Variants in ADK observed in about 807,000 individuals in gnomAD.
The protein encoded by ADK is adenosine kinase.
In ADK, 24 loss-of-function variants were observed where a neutral mutation model predicts 44.7. That is an observed-to-expected ratio of 0.54 (90% CI 0.39 to 0.76). ADK has a LOEUF of 0.76. Ranked by LOEUF, ADK falls within the 30% of genes least tolerant of loss-of-function variation. The pLI is 0.00. For missense variants in ADK, 321 were observed against 425.1 expected, an observed-to-expected ratio of 0.76 and a Z score of 2.15; for synonymous variants, 128 against 142.6, an observed-to-expected ratio of 0.90 and a Z score of 0.73.
At chr10:74,399,076 G>A (rs1393889685) in intron 6 of ADK, among the ~76,000 whole-genome samples, 1 of 151,674 alleles carries the variant, frequency 6.6e-6, no homozygotes, top group South Asian at 2.1e-4. Flanking sequence ...TCTTAAATCT[G>A]GGAACAAGGG....
intron 4 of ADK, chr10:74,371,954 T>C: frequency 9.9e-7 from 1 of 1,013,272 alleles, no homozygotes; most frequent in Admixed American, 1.7e-5. Flanking sequence ...CATCTTACGT[T>C]AACCTATCTA....
chr10:74,457,950 G>GTT (rs1846015919), intron 6 of ADK, among the ~76,000 whole-genome samples: 1 of 151,850 alleles, frequency 6.6e-6, no homozygotes, highest in African/African-American at 2.4e-5. Context: ...AAACCACCAT[G>GTT]GCATGTGTAT....
chr10:74,528,198 C>T (rs943108330), intron 7 of ADK: 3 of 590,514 alleles, frequency 5.1e-6, no homozygotes, highest in Non-Finnish European at 5.5e-6. Context: ...TCTTTGTGTA[C>T]ATATCTGCAA....
intron 5 of ADK, among the ~76,000 whole-genome samples, chr10:74,396,699 A>G (rs1463836968): frequency 1.3e-5 from 2 of 151,822 alleles, no homozygotes; most frequent in Admixed American, 1.3e-4. Flanking sequence ...CATGCCTGTA[A>G]TCCCAGCACT....
intron 2 of ADK, among the ~76,000 whole-genome samples, chr10:74,219,765 G>A (rs1032108352): frequency 2.8e-4 from 42 of 150,994 alleles, no homozygotes; most frequent in African/African-American, 1.0e-3. Context: ...GCTCCTGAAT[G>A]ACTACTGGGT....
intron 3 of ADK, among the ~76,000 whole-genome samples, chr10:74,290,819 A>G (rs1847388727): frequency 6.6e-6 from 1 of 152,240 alleles, no homozygotes; most frequent in Admixed American, 6.5e-5. Flanking sequence ...GATGGCTCTT[A>G]TAGAATAAAG....
intron 7 of ADK, among the ~76,000 whole-genome samples, chr10:74,567,557 G>A (rs1026790213): frequency 6.6e-6 from 1 of 151,958 alleles, no homozygotes. Context: ...CAGGACACAC[G>A]TCTCATTTTT....
chr10:74,279,414 C>T (rs1317403378), intron 3 of ADK, among the ~76,000 whole-genome samples: 7 of 151,916 alleles, frequency 4.6e-5, no homozygotes, highest in African/African-American at 7.3e-5. Context: ...AGTGAAACCC[C>T]GTCTCTACTA....
At chr10:74,519,042 A>C (rs1248083699) in intron 6 of ADK, among the ~76,000 whole-genome samples, 1 of 151,966 alleles carries the variant, frequency 6.6e-6, no homozygotes, top group African/African-American at 2.4e-5. Context: ...CATATGAAAA[A>C]TGTAAAAAGA....
At position 74,641,405 on chromosome 10, in the gene ADK, G is replaced by A. The variant is rs112327315; in HGVS notation, c.878-28778G>A. 1.5e-4 allele frequency: 23 copies of A among 151,972 alleles called. 1 individual carries two copies. Among genetic ancestry groups the A allele is most frequent in the African/African-American group, 7.2e-5 (3 of 41,380 alleles). 9.4% of individuals were successfully genotyped at this position (151,972 alleles called of 1,614,324 possible). On this transcript the variant is annotated intron_variant, in intron 9 of 10. Coordinates refer to ENST00000539909, the MANE Select transcript of ADK (RefSeq NM_006721.4). ...AATAATTTTTTGGTGGTCCAGAAAG[G>A]GGCAGCTGCCATGCTTTGCAGGTTT...
rs142711327 is a variant in ADK at position 74,432,942 on chromosome 10, A to G, written c.555+34363A>G. Among the ~76,000 whole-genome samples, 456 of 152,148 alleles carry G rather than the reference A, an allele frequency of 3.0e-3. 5 individuals are homozygous for G. The highest frequency in any genetic ancestry group is 0.017 in the East Asian group (89 of 5,176). On this transcript the variant is annotated intron_variant, in intron 6 of 10. Coordinates refer to ENST00000539909, the MANE Select transcript of ADK (RefSeq NM_006721.4). Reference sequence around the variant, plus strand: ...TATTCTGGAACCTTTTTGCTTCATGATTTTTCTTTTTTACTTTGCATTCCT... The same window carrying G: ...TATTCTGGAACCTTTTTGCTTCATGGTTTTTCTTTTTTACTTTGCATTCCT...
At chr10:74,185,842 G>GAAAAAAAA (rs71021593) in intron 1 of ADK, among the ~76,000 whole-genome samples, 11 of 65,808 alleles carry the variant, frequency 1.7e-4, no homozygotes, top group East Asian at 4.9e-4. Flanking sequence ...GTCTCAAAAA[G>GAAAAAAAA]AAAAAAAAAA....
chr10:74,530,510 G>C (rs1297186924), intron 7 of ADK: 1 of 152,006 alleles, frequency 6.6e-6, no homozygotes, highest in Admixed American at 6.6e-5. Flanking sequence ...ATAATACCTT[G>C]TCCACAAAGA....
intron 4 of ADK, among the ~76,000 whole-genome samples, chr10:74,342,816 T>TG (rs56148690): frequency 2.0e-4 from 31 of 151,636 alleles, no homozygotes; most frequent in African/African-American, 5.8e-4. Context: ...TGTGTGTGTG[T>TG]TTTAATATTG....
intron 10 of ADK, among the ~76,000 whole-genome samples, chr10:74,681,896 A>C (rs1237926353): frequency 6.6e-6 from 1 of 151,088 alleles, no homozygotes; most frequent in Non-Finnish European, 1.5e-5. Flanking sequence ...TCTGTTATTT[A>C]GTCCTCTTGG....
chr10:74,465,402 A>G (rs1483224662), intron 6 of ADK, among the ~76,000 whole-genome samples: 3 of 152,194 alleles, frequency 2.0e-5, no homozygotes, highest in Admixed American at 6.5e-5. Flanking sequence ...ATAGGTCATT[A>G]TAAAGACTTT....
chr10:74,154,898 T>C (rs1841706256), intron 1 of ADK, among the ~76,000 whole-genome samples: 1 of 152,224 alleles, frequency 6.6e-6, no homozygotes, highest in Non-Finnish European at 1.5e-5. Flanking sequence ...TGCCTACTTT[T>C]CTTTAGGCAC....
At chr10:74,220,047 C>G (rs1463712155) in intron 2 of ADK, among the ~76,000 whole-genome samples, 1 of 151,132 alleles carries the variant, frequency 6.6e-6, no homozygotes, top group Non-Finnish European at 1.5e-5. Flanking sequence ...AATAGAGACA[C>G]AAAAAACCGT....
chr10:74,305,707 AT>A lies in ADK; in HGVS notation c.195-8951del, dbSNP rs565191679. Among the ~76,000 whole-genome samples, 743 of 150,198 alleles carry A rather than the reference AT, an allele frequency of 4.9e-3. 1 individual carries two copies. The highest frequency in any genetic ancestry group is 7.2e-3 in the Non-Finnish European group (484 of 67,476). ...AATCAAATTTGGAAATTTTTAAGCC[AT>A]TTTTTTTTCTTTCTTTCCTTTCCTT... On this transcript the variant is annotated intron_variant, in intron 3 of 10. Coordinates refer to ENST00000539909, the MANE Select transcript of ADK (RefSeq NM_006721.4).
Sources: gnomAD v4.1 joint callset for allele counts (sites outside exome capture counted in the v4.1 genomes callset) on GRCh38, gnomAD v4.1.1 for gene constraint, MANE v1.5 for transcripts, NCBI Gene and HGNC (gene_info 2026-07-23, HGNC 2026-07-21) for gene names.